The following SEMA6D variants were observed in gnomAD, a reference collection of about 807,000 sequenced individuals.
SEMA6D encodes the protein semaphorin-6D.
Under a neutral mutation model 106.6 loss-of-function variants are expected in SEMA6D, and 35 were observed. The ratio of observed to expected loss-of-function variants is 0.33; its 90% CI spans 0.25 to 0.44. The LOEUF (loss-of-function observed/expected upper bound fraction) is 0.44, where lower values mean the gene tolerates loss of function less well. Among genes scored for constraint, SEMA6D ranks in the 20% least tolerant of loss-of-function variants. SEMA6D has a pLI of 1.00. For missense variants in SEMA6D, 1,185 were observed against 1,345.9 expected (o/e 0.88, Z 1.87); for synonymous variants, 499 against 487.7 (o/e 1.02, Z -0.31).
intron 1 of SEMA6D, among the ~76,000 whole-genome samples, chr15:47,377,560 CA>C (rs2039491556): frequency 6.6e-6 from 1 of 152,084 alleles, no homozygotes; most frequent in African/African-American, 2.4e-5. Flanking sequence ...AAATGAAAAA[CA>C]AAACAAAAAC....
chr15:47,636,814 C>T (rs898562870), intron 4 of SEMA6D, among the ~76,000 whole-genome samples: 4 of 152,246 alleles, frequency 2.6e-5, no homozygotes, highest in African/African-American at 7.2e-5. Flanking sequence ...GAACCCTACC[C>T]GATGCATGTA....
At chr15:47,737,079 G>A (rs559558252) in intron 1 of SEMA6D, among the ~76,000 whole-genome samples, 98 of 152,176 alleles carry the variant, frequency 6.4e-4, no homozygotes, top group African/African-American at 2.3e-3. Flanking sequence ...TAGGAGGTAG[G>A]AAGGAAAAAG....
chr15:47,524,108 A>G (rs934630126), intron 3 of SEMA6D, among the ~76,000 whole-genome samples: 3 of 152,152 alleles, frequency 2.0e-5, no homozygotes, highest in African/African-American at 4.8e-5. Flanking sequence ...CATAAAATCT[A>G]TTGCCACCGA....
intron 4 of SEMA6D, among the ~76,000 whole-genome samples, chr15:47,675,190 T>C (rs1341239845): frequency 2.0e-5 from 3 of 152,244 alleles, no homozygotes; most frequent in African/African-American, 7.2e-5. Context: ...CTCTCCAACT[T>C]TCTGATTCTT....
chr15:47,734,554 A>G (rs1054406978), intron 1 of SEMA6D, among the ~76,000 whole-genome samples: 3 of 152,220 alleles, frequency 2.0e-5, no homozygotes, highest in African/African-American at 7.2e-5. Context: ...CTGAGTAAGC[A>G]GACATGAGTT....
rs149393208 is a variant in SEMA6D at position 47,323,173 on chromosome 15, C to T, written c.-238-89220C>T. Among the ~76,000 whole-genome samples, 600 of 152,184 alleles carry T rather than the reference C, an allele frequency of 3.9e-3. 2 individuals are homozygous for T. Among genetic ancestry groups the T allele is most frequent in the African/African-American group, 0.014 (571 of 41,526 alleles). ...GGGAGTAGGAGGGAGTGGTGCCCAGCGGCTTCTTCTCTCCTGTTGTCCAGG... is the reference window on the plus strand; with the variant it reads ...GGGAGTAGGAGGGAGTGGTGCCCAGTGGCTTCTTCTCTCCTGTTGTCCAGG... On this transcript the variant is annotated intron_variant, in intron 1 of 19. Transcript: ENST00000558014.
At position 47,762,664 on chromosome 15, in the gene SEMA6D, T is replaced by C. The variant is rs539270314; in HGVS notation, c.658+345T>C. Among the ~76,000 whole-genome samples, 11 of 152,336 alleles carry C rather than the reference T, an allele frequency of 7.2e-5. No individual in the cohort carries two copies. The East Asian group carries it at 2.1e-3, about 29-fold the overall frequency. On this transcript the variant is annotated intron_variant, in intron 8 of 18. Coordinates refer to ENST00000536845, the MANE Select transcript of SEMA6D (RefSeq NM_001358351.3). The stretch of plus-strand genomic sequence containing the variant: ...ACCAGAGAGAATCGATTAGTCCGTA[T>C]GAGAGCCATTTTGTTCTTCAGAGTC...
intron 3 of SEMA6D, among the ~76,000 whole-genome samples, chr15:47,541,048 C>A (rs1187953626): frequency 6.6e-6 from 1 of 152,110 alleles, no homozygotes; most frequent in African/African-American, 2.4e-5. Context: ...ATTTTAATGA[C>A]ATGATCAAAT....
chr15:47,632,480 A>G (rs778676653), intron 4 of SEMA6D, among the ~76,000 whole-genome samples: 4 of 148,804 alleles, frequency 2.7e-5, no homozygotes, highest in Non-Finnish European at 4.5e-5. Flanking sequence ...GGTGTTTTAT[A>G]TGTACACATT....
At chr15:47,485,676 C>G (rs1203226399) in intron 3 of SEMA6D, among the ~76,000 whole-genome samples, 1 of 152,014 alleles carries the variant, frequency 6.6e-6, no homozygotes, top group Non-Finnish European at 1.5e-5. Context: ...TAGCAGAAAG[C>G]CCAAGAAAGC....
intron 4 of SEMA6D, among the ~76,000 whole-genome samples, chr15:47,650,461 C>A (rs775166365): frequency 6.6e-6 from 1 of 152,156 alleles, no homozygotes; most frequent in Admixed American, 6.5e-5. Flanking sequence ...TATATAAATA[C>A]TAACATTACA....
intron 1 of SEMA6D, among the ~76,000 whole-genome samples, chr15:47,407,896 C>T (rs2040649553): frequency 6.6e-6 from 1 of 152,138 alleles, no homozygotes; most frequent in Non-Finnish European, 1.5e-5. Context: ...CGCCCTCACC[C>T]CTTCTCCCTC....
intron 1 of SEMA6D, among the ~76,000 whole-genome samples, chr15:47,320,850 C>T (rs1204083390): frequency 1.3e-5 from 2 of 151,996 alleles, no homozygotes; most frequent in Middle Eastern, 3.2e-3. Flanking sequence ...CTCTCCAGCC[C>T]GCCCCCCACC....
At chr15:47,616,755 T>A (rs1423947764) in intron 4 of SEMA6D, among the ~76,000 whole-genome samples, 1 of 152,164 alleles carries the variant, frequency 6.6e-6, no homozygotes, top group Non-Finnish European at 1.5e-5. Flanking sequence ...AATAAAAGAC[T>A]GTACACCCAG....
At chr15:47,665,933 G>A (rs763951439) in intron 4 of SEMA6D, among the ~76,000 whole-genome samples, 2 of 152,208 alleles carry the variant, frequency 1.3e-5, no homozygotes, top group African/African-American at 4.8e-5. Flanking sequence ...GCTGCATTTG[G>A]CAATAATACA....
intron 1 of SEMA6D, among the ~76,000 whole-genome samples, chr15:47,381,608 A>G (rs2039643494): frequency 6.6e-6 from 1 of 152,212 alleles, no homozygotes; most frequent in African/African-American, 2.4e-5. Context: ...GGTCTATCAA[A>G]GGGGCATCCT....
At chr15:47,751,638 C>G (rs530548389) in intron 1 of SEMA6D, among the ~76,000 whole-genome samples, 12 of 152,100 alleles carry the variant, frequency 7.9e-5, no homozygotes, top group Non-Finnish European at 1.5e-4. Context: ...GCCCATCCCC[C>G]CTGGGTCTGC....
intron 18 of SEMA6D, among the ~76,000 whole-genome samples, chr15:47,770,266 C>T (rs899874348): frequency 6.6e-6 from 1 of 152,016 alleles, no homozygotes; most frequent in Non-Finnish European, 1.5e-5. Flanking sequence ...CAGAAGAATA[C>T]AGATCAGTGG....
chr15:47,622,201 CAAA>C (rs199839582), intron 4 of SEMA6D, among the ~76,000 whole-genome samples: 1,504 of 62,762 alleles, frequency 0.024, 11 homozygotes, highest in South Asian at 0.095. Context: ...GAAACCCAGC[CAAA>C]AAAAAAAAAA....
Sources: gnomAD v4.1 joint callset for allele counts (sites outside exome capture counted in the v4.1 genomes callset) on GRCh38, gnomAD v4.1.1 for gene constraint, MANE v1.5 for transcripts, NCBI Gene and HGNC (gene_info 2026-07-23, HGNC 2026-07-21) for gene names.